ATXN7L1: variants seen among roughly 807,000 people sequenced by gnomAD.
ATXN7L1 encodes ataxin-7-like protein 1.
ATXN7L1 carries 15 observed loss-of-function variants against 70.8 expected under a neutral mutation model. The ratio of observed to expected loss-of-function variants is 0.21; its 90% CI spans 0.14 to 0.33. The LOEUF (loss-of-function observed/expected upper bound fraction) is 0.33. Among genes scored for constraint, ATXN7L1 ranks in the 10% least tolerant of loss-of-function variants. The pLI, the probability that ATXN7L1 is intolerant of heterozygous loss-of-function variation, is 1.00. For missense variants in ATXN7L1, 975 were observed against 1,097.1 expected, an observed-to-expected ratio of 0.89 and a Z score of 1.57; for synonymous variants, 440 against 445.1, an observed-to-expected ratio of 0.99 and a Z score of 0.14.
At chr7:105,726,827 G>A (rs1267831226) in intron 3 of ATXN7L1, among the ~76,000 whole-genome samples, 3 of 152,154 alleles carry the variant, frequency 2.0e-5, no homozygotes, top group Non-Finnish European at 4.4e-5. Context: ...AGGAGTTCCT[G>A]TAGCTTCATA....
chr7:105,663,309 G>A (rs908050875), intron 4 of ATXN7L1, among the ~76,000 whole-genome samples: 1 of 152,166 alleles, frequency 6.6e-6, no homozygotes, highest in African/African-American at 2.4e-5. Flanking sequence ...CAGCTGTGTG[G>A]CAGGTAACTC....
chr7:105,648,025 T>C (rs1799314038), intron 4 of ATXN7L1, among the ~76,000 whole-genome samples: 1 of 152,176 alleles, frequency 6.6e-6, no homozygotes, highest in African/African-American at 2.4e-5. Context: ...GTCCTCTGGA[T>C]TGAAGAATGG....
At chr7:105,776,489 AACAAC>A (rs1368371530) in intron 3 of ATXN7L1, among the ~76,000 whole-genome samples, 24 of 106,016 alleles carry the variant, frequency 2.3e-4, no homozygotes, top group Middle Eastern at 4.3e-3. Context: ...CAAACAAACA[AACAAC>A]CCCCCCCCCA....
rs1639707913 is a variant in ATXN7L1, at chr7:105,708,653, A to C, written c.356-43365T>G. 2.0e-5 allele frequency among the ~76,000 whole-genome samples: 3 copies of C among 152,288 alleles called. No homozygotes were observed. In the South Asian group the frequency reaches 6.2e-4, roughly 32 times the overall value. On this transcript the variant is annotated intron_variant, in intron 3 of 11. Transcript: ENST00000419735. ...GTGTTAAGTTCCTTCCTTTCAAATA[A>C]GTTCTGTTATAGAAAGTAGTTATCA...
chr7:105,625,884 G>C (rs768043930), intron 7 of ATXN7L1, among the ~76,000 whole-genome samples: 5 of 152,210 alleles, frequency 3.3e-5, no homozygotes, highest in Non-Finnish European at 5.9e-5. Context: ...TCAGGTGATT[G>C]AGCAGGGAGA....
chr7:105,684,522 C>T (rs1229745548), intron 3 of ATXN7L1, among the ~76,000 whole-genome samples: 9 of 152,202 alleles, frequency 5.9e-5, no homozygotes, highest in Admixed American at 4.6e-4. Context: ...TTTGTGATAG[C>T]TGCCTCATCC....
At chr7:105,830,925 T>C (rs752023066) in intron 2 of ATXN7L1, among the ~76,000 whole-genome samples, 1 of 152,256 alleles carries the variant, frequency 6.6e-6, no homozygotes, top group Non-Finnish European at 1.5e-5. Flanking sequence ...TAGAGACATC[T>C]TCAAGTCCAG....
intron 9 of ATXN7L1, among the ~76,000 whole-genome samples, chr7:105,616,347 G>A (rs1365008491): frequency 3.9e-5 from 6 of 152,198 alleles, no homozygotes; most frequent in Admixed American, 2.6e-4. Flanking sequence ...CTCTCCTAGC[G>A]TTCCTCTCTG....
chr7:105,863,475 C>A (rs1467390031), intron 2 of ATXN7L1, among the ~76,000 whole-genome samples: 1 of 152,226 alleles, frequency 6.6e-6, no homozygotes, highest in Admixed American at 6.5e-5. Flanking sequence ...TGCCCAGGTG[C>A]AACACTTAAG....
At chr7:105,626,973 G>C (rs1048965600) in intron 7 of ATXN7L1, among the ~76,000 whole-genome samples, 1 of 152,142 alleles carries the variant, frequency 6.6e-6, no homozygotes, top group Non-Finnish European at 1.5e-5. Flanking sequence ...GTGATGTTGT[G>C]GACGTGTTTC....
Position 105,667,763 on chromosome 7 carries a change from T to C in ATXN7L1, c.356-2475A>G, listed in dbSNP as rs186062237. On this transcript the variant is annotated intron_variant, in intron 3 of 11. Coordinates refer to ENST00000419735, the MANE Select transcript of ATXN7L1 (RefSeq NM_020725.2). Reference sequence around the variant, plus strand: ...CTTTCTGATAGATGAGGTTATCAGTTGCCAGCCTTCAGGTTAAAGCTAGTT... The same window carrying C: ...CTTTCTGATAGATGAGGTTATCAGTCGCCAGCCTTCAGGTTAAAGCTAGTT... Among the ~76,000 whole-genome samples, 7 of 151,862 alleles carry C rather than the reference T, an allele frequency of 4.6e-5. 1 individual carries two copies. Among genetic ancestry groups the C allele is most frequent in the African/African-American group, 1.7e-4 (7 of 41,394 alleles).
intron 9 of ATXN7L1, among the ~76,000 whole-genome samples, chr7:105,615,501 A>AG (rs1420726663): frequency 1.3e-5 from 2 of 152,126 alleles, no homozygotes; most frequent in African/African-American, 4.8e-5. Context: ...GTGGAGGGTT[A>AG]GGGGTTTGGG....
chr7:105,794,453 C>G (rs539595433), intron 2 of ATXN7L1, among the ~76,000 whole-genome samples: 8 of 152,324 alleles, frequency 5.3e-5, no homozygotes, highest in Admixed American at 1.3e-4. Context: ...CACTACAAAC[C>G]AGGACTTCTT....
At chr7:105,752,871 G>A (rs773038516) in intron 3 of ATXN7L1, among the ~76,000 whole-genome samples, 1 of 151,984 alleles carries the variant, frequency 6.6e-6, no homozygotes, top group East Asian at 1.9e-4. Context: ...TTACCCTCCC[G>A]GTACAAAGTG....
At chr7:105,689,762 TG>T (rs1410109086) in intron 3 of ATXN7L1, among the ~76,000 whole-genome samples, 1 of 152,022 alleles carries the variant, frequency 6.6e-6, no homozygotes, top group East Asian at 1.9e-4. Flanking sequence ...CCAGAGCAAA[TG>T]GGGGCATGAG....
chr7:105,813,413 A>G (rs1273592327), intron 2 of ATXN7L1, among the ~76,000 whole-genome samples: 1 of 151,054 alleles, frequency 6.6e-6, no homozygotes, highest in East Asian at 1.9e-4. Context: ...TCTCAGTTCA[A>G]TGCAACCTCT....
intron 3 of ATXN7L1, among the ~76,000 whole-genome samples, chr7:105,704,588 T>C (rs77597758): frequency 0.12 from 15,572 of 128,630 alleles, 1,109 homozygotes; most frequent in East Asian, 0.18. Flanking sequence ...TTATCTCTTT[T>C]TTTTTTTTTT....
intron 2 of ATXN7L1, among the ~76,000 whole-genome samples, chr7:105,837,684 G>C (rs370893818): frequency 3.9e-5 from 6 of 152,264 alleles, no homozygotes; most frequent in African/African-American, 1.2e-4. Context: ...CGCATGAACA[G>C]GGAGCAGCAA....
In ATXN7L1 at chr7:105,638,626, T is replaced by A; in HGVS notation, c.946-17A>T. The A allele has an allele frequency of 6.5e-7, 1 of 1,544,170 alleles. No homozygotes were observed. Among genetic ancestry groups the A allele is most frequent in the Non-Finnish European group, 8.7e-7 (1 of 1,142,896 alleles). On this transcript the variant is annotated splice_polypyrimidine_tract_variant and intron_variant, in intron 6 of 11. Transcript: ENST00000419735. ...CGAATGTGTCTAAGGAGAAGAGAAA[T>A]GAAAAGCACAGCCTCTTTGATCAGC...
Sources: allele counts gnomAD v4.1 joint callset (sites outside exome capture counted in the v4.1 genomes callset), GRCh38; gene constraint gnomAD v4.1.1; transcripts MANE v1.5; gene names NCBI Gene and HGNC (gene_info 2026-07-23, HGNC 2026-07-21).